Variants in NRG3 observed in about 807,000 individuals in gnomAD.
NRG3 encodes the protein pro-neuregulin-3, membrane-bound isoform.
NRG3 carries 31 observed loss-of-function variants against 66.9 expected under a neutral mutation model. The ratio of observed to expected loss-of-function variants is 0.46; its 90% CI spans 0.35 to 0.63. The LOEUF (loss-of-function observed/expected upper bound fraction) is 0.63, where lower values mean the gene tolerates loss of function less well. NRG3 is among the 20% of genes least tolerant of loss of function. NRG3 has a pLI of 0.00. For synonymous variants in NRG3, 393 were observed against 359.4 expected, an observed-to-expected ratio of 1.09 and a Z score of -1.06; for missense variants, 910 against 878.9, an observed-to-expected ratio of 1.04 and a Z score of -0.45.
chr10:81,879,926 G>A (rs1028440826), intron 1 of NRG3, among the ~76,000 whole-genome samples: 15 of 152,260 alleles, frequency 9.9e-5, no homozygotes, highest in Non-Finnish European at 1.8e-4. Context: ...GCCTTTAAAG[G>A]CATCCAACGT....
chr10:82,400,775 A>C (rs887082450), intron 2 of NRG3, among the ~76,000 whole-genome samples: 2 of 151,838 alleles, frequency 1.3e-5, no homozygotes, highest in African/African-American at 2.4e-5. Context: ...AGGTCTTGCT[A>C]TGTTGCCCAA....
intron 1 of NRG3, among the ~76,000 whole-genome samples, chr10:82,052,419 G>T (rs966076289): frequency 6.6e-6 from 1 of 152,078 alleles, no homozygotes; most frequent in African/African-American, 2.4e-5. Flanking sequence ...TCCAAGAACT[G>T]CACTGGTCAC....
chr10:82,575,395 T>C (rs1048277468), intron 2 of NRG3, among the ~76,000 whole-genome samples: 1 of 151,616 alleles, frequency 6.6e-6, no homozygotes, highest in Admixed American at 6.6e-5. Context: ...GTTGGAAGAA[T>C]AGCAGGTTAT....
intron 1 of NRG3, among the ~76,000 whole-genome samples, chr10:82,227,612 C>T (rs2076232473): frequency 2.0e-5 from 3 of 151,848 alleles, no homozygotes; most frequent in South Asian, 2.1e-4. Context: ...TGATTAGAAA[C>T]AATAAATGGT....
chr10:82,299,761 G>A (rs910281351), intron 1 of NRG3, among the ~76,000 whole-genome samples: 2 of 152,018 alleles, frequency 1.3e-5, no homozygotes, highest in Admixed American at 6.6e-5. Flanking sequence ...GACTCTTGAC[G>A]TGGGCAAAAA....
chr10:82,457,575 C>T (rs1007941584), intron 2 of NRG3, among the ~76,000 whole-genome samples: 1 of 152,116 alleles, frequency 6.6e-6, no homozygotes, highest in Non-Finnish European at 1.5e-5. Flanking sequence ...CTCTGTGTCT[C>T]CTGAATCCAG....
intron 2 of NRG3, among the ~76,000 whole-genome samples, chr10:82,672,595 C>T (rs2053369321): frequency 6.6e-6 from 1 of 152,102 alleles, no homozygotes; most frequent in African/African-American, 2.4e-5. Flanking sequence ...AATGCTGCAG[C>T]AGGTCCTCAA....
At chr10:82,260,471 A>T (rs751113377) in intron 1 of NRG3, among the ~76,000 whole-genome samples, 2 of 152,200 alleles carry the variant, frequency 1.3e-5, no homozygotes, top group Non-Finnish European at 2.9e-5. Context: ...TATATCTGGA[A>T]TTAGATGCTG....
rs191022609 is a variant in NRG3, at chr10:82,471,575, A to G, written c.953+112707A>G. Reference sequence around the variant, plus strand: ...CTTTTTCTCAAAGAAAAATTGTAACATAACTTCAGGGAAAATTAAAACTGA... The same window carrying G: ...CTTTTTCTCAAAGAAAAATTGTAACGTAACTTCAGGGAAAATTAAAACTGA... On this transcript the variant is annotated intron_variant, in intron 2 of 8. Coordinates refer to ENST00000372141, the MANE Select transcript of NRG3 (RefSeq NM_001010848.4). Among the ~76,000 whole-genome samples the G allele has an allele frequency of 1.6e-4, 25 of 152,330 alleles. No individual in the cohort carries two copies. The East Asian group carries it at 2.1e-3, about 13-fold the overall frequency.
intron 3 of NRG3, among the ~76,000 whole-genome samples, chr10:82,770,738 G>A (rs970358845): frequency 1.3e-5 from 2 of 152,194 alleles, no homozygotes; most frequent in Non-Finnish European, 2.9e-5. Context: ...AATGTAGGCT[G>A]AGATTGGAGA....
chr10:82,207,352 C>T (rs1019608771), intron 1 of NRG3, among the ~76,000 whole-genome samples: 2 of 152,008 alleles, frequency 1.3e-5, no homozygotes, highest in Non-Finnish European at 2.9e-5. Context: ...GTGAAGTGCA[C>T]GGGTCATTTG....
intron 2 of NRG3, among the ~76,000 whole-genome samples, chr10:82,436,912 G>A (rs1168094701): frequency 6.6e-6 from 1 of 152,172 alleles, no homozygotes; most frequent in African/African-American, 2.4e-5. Flanking sequence ...TTCACTGTTA[G>A]TCTGATGGGC....
At chr10:81,907,325 A>G (rs1470882903) in intron 1 of NRG3, among the ~76,000 whole-genome samples, 2 of 152,174 alleles carry the variant, frequency 1.3e-5, no homozygotes, top group African/African-American at 4.8e-5. Flanking sequence ...TATACATTTG[A>G]TTAATTAGAA....
At position 82,799,182 on chromosome 10, in the gene NRG3, G is replaced by C. The variant is rs562403290; in HGVS notation, c.1027+60532G>C. On this transcript the variant is annotated intron_variant, in intron 3 of 8. Coordinates refer to ENST00000372141, the MANE Select transcript of NRG3 (RefSeq NM_001010848.4). ...AAAGATGCTGAGACTTATTGGTGCGGCTGTATATCTGGAGAAGAGCTCCGG... is the reference window on the plus strand; with the variant it reads ...AAAGATGCTGAGACTTATTGGTGCGCCTGTATATCTGGAGAAGAGCTCCGG... 8.5e-5 allele frequency among the ~76,000 whole-genome samples: 13 copies of C among 152,218 alleles called. No individual in the cohort carries two copies. The South Asian group carries it at 1.7e-3, about 19-fold the overall frequency.
At chr10:82,839,827 T>G (rs485907) in intron 3 of NRG3, among the ~76,000 whole-genome samples, 2 of 151,832 alleles carry the variant, frequency 1.3e-5, no homozygotes, top group Non-Finnish European at 1.5e-5. Context: ...TCAGTACTAA[T>G]TATATTAAAA....
chr10:82,483,392 G>C (rs956829038), intron 2 of NRG3, among the ~76,000 whole-genome samples: 1 of 152,190 alleles, frequency 6.6e-6, no homozygotes, highest in African/African-American at 2.4e-5. Context: ...CAGCTTCCTT[G>C]CTTGGTCATC....
intron 1 of NRG3, among the ~76,000 whole-genome samples, chr10:81,888,928 G>T (rs752212605): frequency 6.6e-6 from 1 of 152,150 alleles, no homozygotes; most frequent in Non-Finnish European, 1.5e-5. Context: ...ATCATTTAAA[G>T]ATATTGTCTC....
At chr10:82,225,257 A>C (rs964457958) in intron 1 of NRG3, 3 of 152,236 alleles carry the variant, frequency 2.0e-5, no homozygotes, top group Admixed American at 2.0e-4. Flanking sequence ...TCAGTTGAAT[A>C]TCATTTGCAA....
intron 1 of NRG3, among the ~76,000 whole-genome samples, chr10:81,940,697 T>C (rs369961453): frequency 1.3e-5 from 2 of 151,468 alleles, no homozygotes; most frequent in East Asian, 3.9e-4. Context: ...TCTTTGGTCA[T>C]GCTTACATGC....
Sources: gnomAD v4.1 joint callset for allele counts (sites outside exome capture counted in the v4.1 genomes callset) on GRCh38, gnomAD v4.1.1 for gene constraint, MANE v1.5 for transcripts, NCBI Gene and HGNC (gene_info 2026-07-23, HGNC 2026-07-21) for gene names.